The following AAK1 variants were observed in gnomAD, a reference collection of about 807,000 sequenced individuals.
AAK1 encodes AP2-associated protein kinase 1.
In AAK1, 37 loss-of-function variants were observed where a neutral mutation model predicts 116.0. That is an observed-to-expected ratio of 0.32 (90% CI 0.25 to 0.42). The LOEUF (loss-of-function observed/expected upper bound fraction) is 0.42. Ranked by LOEUF, AAK1 falls within the 10% of genes least tolerant of loss-of-function variation. The pLI is 1.00. For missense variants in AAK1, 919 were observed against 1,170.6 expected, an observed-to-expected ratio of 0.79 and a Z score of 3.14; for synonymous variants, 458 against 439.9, an observed-to-expected ratio of 1.04 and a Z score of -0.51.
At chr2:69,607,138 G>T (rs1276372282) in intron 2 of AAK1, among the ~76,000 whole-genome samples, 1 of 151,966 alleles carries the variant, frequency 6.6e-6, no homozygotes, top group Non-Finnish European at 1.5e-5. Flanking sequence ...AGTGTTATGT[G>T]GGGGAAGAGG....
chr2:69,530,592 A>G (rs763541488), intron 7 of AAK1, 33 bp downstream of exon 7: 8 of 1,554,646 alleles, frequency 5.1e-6, no homozygotes, highest in Non-Finnish European at 7.1e-6. Context: ...GACTGCTGCT[A>G]TCTGAGGTAT....
At chr2:69,565,692 A>G (rs1341514877) in intron 2 of AAK1, among the ~76,000 whole-genome samples, 1 of 152,222 alleles carries the variant, frequency 6.6e-6, no homozygotes, top group East Asian at 1.9e-4. Flanking sequence ...TGTCTAGCTG[A>G]TCAGGTGGGA....
At chr2:69,641,966 A>C (rs560149091) in intron 2 of AAK1, among the ~76,000 whole-genome samples, 67 of 152,172 alleles carry the variant, frequency 4.4e-4, no homozygotes, top group Non-Finnish European at 6.8e-4. Flanking sequence ...ATAAAAGCAC[A>C]CTAGGCAGGC....
intron 2 of AAK1, among the ~76,000 whole-genome samples, chr2:69,605,201 C>T (rs1354944953): frequency 6.6e-6 from 1 of 152,176 alleles, no homozygotes; most frequent in African/African-American, 2.4e-5. Flanking sequence ...TGTGTACCTA[C>T]CTTTACTACT....
rs1209073904 is a variant in AAK1 at position 69,462,387 on chromosome 2, AAAG to A, written c.*13479_*13481del. The A allele has an allele frequency of 6.6e-6, 1 of 152,054 alleles. No homozygotes were observed. Among genetic ancestry groups the A allele is most frequent in the Admixed American group, 6.6e-5 (1 of 15,260 alleles). The allele number at this position is 152,054 out of a possible 1,614,324, so 9.4% of individuals were successfully genotyped here. On this transcript the variant is annotated 3_prime_UTR_variant, in exon 22 of 22. Transcript: ENST00000409085. The stretch of plus-strand genomic sequence containing the variant: ...GTATAATAATAATTTAAAAAAAAAA[AAAG>A]AATTTCTGGGCCAGGTGCGGTGGCT...
At chr2:69,626,152 C>T (rs1207251576) in intron 2 of AAK1, among the ~76,000 whole-genome samples, 1 of 152,102 alleles carries the variant, frequency 6.6e-6, no homozygotes, top group African/African-American at 2.4e-5. Context: ...AATGATACCC[C>T]AGTACTGTAT....
At chr2:69,623,741 TG>T (rs1674771545) in intron 2 of AAK1, among the ~76,000 whole-genome samples, 1 of 152,188 alleles carries the variant, frequency 6.6e-6, no homozygotes, top group African/African-American at 2.4e-5. Context: ...ATCAAGGACC[TG>T]CCTTTCTTCT....
intron 2 of AAK1, among the ~76,000 whole-genome samples, chr2:69,631,277 G>T (rs1399482523): frequency 2.6e-5 from 4 of 152,226 alleles, no homozygotes; most frequent in Non-Finnish European, 5.9e-5. Flanking sequence ...TACAATAGCT[G>T]TAAGTGTCCT....
rs565263245 is a variant in AAK1, at chr2:69,466,093, T to C, written c.*9776A>G. ...ATGTCCATGTCATCATTTGGAACCC[T>C]TGAGCTCCTGAAGGGAGCTATGGCA... is the stretch of plus-strand genomic sequence containing the variant. On this transcript the variant is annotated 3_prime_UTR_variant, in exon 22 of 22. Coordinates refer to ENST00000409085, the MANE Select transcript of AAK1 (RefSeq NM_014911.5). The C allele has an allele frequency of 8.5e-5, 110 of 1,290,922 alleles. No individual in the cohort carries two copies. The African/African-American group carries it at 1.4e-3, about 17-fold the overall frequency. The allele number at this position is 1,290,922 out of a possible 1,614,324, so 80.0% of individuals were successfully genotyped here.
chr2:69,476,998 C>T lies in AAK1; in HGVS notation c.2681-8G>A, dbSNP rs776287246. On this transcript the variant is annotated splice_polypyrimidine_tract_variant and splice_region_variant and intron_variant, in intron 20 of 21. Transcript: ENST00000409085. ...GATTACTATCTTCTGCAGCTTAATA[C>T]AGAATGCAAGTACACAAGCAGAAAC... The T allele has an allele frequency of 1.3e-6, 2 of 1,593,334 alleles. No individual in the cohort carries two copies. The highest frequency in any genetic ancestry group is 1.7e-6 in the Non-Finnish European group (2 of 1,164,836).
chr2:69,526,931 A>G (rs900627425), intron 9 of AAK1, among the ~76,000 whole-genome samples: 1 of 152,218 alleles, frequency 6.6e-6, no homozygotes, highest in African/African-American at 2.4e-5. Flanking sequence ...TCAGAGAACT[A>G]GAAGAGTTGA....
At chr2:69,513,725 C>A (rs571195696) in intron 13 of AAK1, among the ~76,000 whole-genome samples, 11 of 152,310 alleles carry the variant, frequency 7.2e-5, no homozygotes, top group African/African-American at 2.6e-4. Flanking sequence ...TGCAAAATGT[C>A]TTTTTCTAAC....
chr2:69,643,085 A>ATTTTTTTTTT lies in AAK1; in HGVS notation c.-55_-46dup. 1 of 1,264,788 alleles carries ATTTTTTTTTT rather than the reference A, an allele frequency of 7.9e-7. No individual in the cohort carries two copies. The highest frequency in any genetic ancestry group is 1.8e-5 in the South Asian group (1 of 55,644). 78.3% of individuals were successfully genotyped at this position (1,264,788 alleles called of 1,614,324 possible). A position where few individuals can be genotyped will look rare whatever the true frequency, so the allele number is the denominator to read the frequency against. On this transcript the variant is annotated 5_prime_UTR_variant, in exon 2 of 22. Transcript: ENST00000409085. ...AAAGCAAAATACCGATGGTTTCTAG[A>ATTTTTTTTTT]TTTTTTTTTTTTTTTTTTTTTTTTA...
Position 69,460,528 on chromosome 2 carries a change from A to G in AAK1, c.*15341T>C, listed in dbSNP as rs1021815254. 6.6e-6 allele frequency: 1 copy of G among 152,284 alleles called. No individual in the cohort carries two copies. The highest frequency in any genetic ancestry group is 2.4e-5 in the African/African-American group (1 of 41,456). The allele number at this position is 152,284 out of a possible 1,614,324, so 9.4% of individuals were successfully genotyped here. A position where few individuals can be genotyped will look rare whatever the true frequency, so the allele number is the denominator to read the frequency against. On this transcript the variant is annotated 3_prime_UTR_variant, in exon 22 of 22. Transcript: ENST00000409085. ...TTACTAAATAATGGGCCAGTAAGAT[A>G]CCAGTATCTTTCTAGAACGTTTAGA...
At chr2:69,541,418 G>C (rs867024858) in intron 5 of AAK1, among the ~76,000 whole-genome samples, 1 of 151,926 alleles carries the variant, frequency 6.6e-6, no homozygotes. Context: ...TTTTAGTAGA[G>C]ACGTGGTTTC....
At chr2:69,548,448 CTA>C (rs779656951) in intron 3 of AAK1, among the ~76,000 whole-genome samples, 1 of 151,900 alleles carries the variant, frequency 6.6e-6, no homozygotes, top group African/African-American at 2.4e-5. Flanking sequence ...TTTGTTTTTT[CTA>C]TCTTTCCTTC....
intron 16 of AAK1, 39 bp downstream of exon 16, chr2:69,505,530 A>T (rs1676151244): frequency 6.4e-7 from 1 of 1,561,164 alleles, no homozygotes; most frequent in Admixed American, 1.7e-5. Context: ...TGAAGGTAAC[A>T]ACAGTGAACC....
At position 69,614,313 on chromosome 2, in the gene AAK1, T is replaced by C. The variant is rs559472471; in HGVS notation, c.163+28565A>G. Among the ~76,000 whole-genome samples, 8 of 152,276 alleles carry C rather than the reference T, an allele frequency of 5.3e-5. No individual in the cohort carries two copies. The East Asian group carries it at 1.4e-3, about 26-fold the overall frequency. On this transcript the variant is annotated intron_variant, in intron 2 of 21. Coordinates refer to ENST00000409085, the MANE Select transcript of AAK1 (RefSeq NM_014911.5). ...GGAGAAAGGGAAGAGGAAAGGCTCATTGAAGGAAGGCAGACATGGAGTCAC... is the reference window on the plus strand; with the variant it reads ...GGAGAAAGGGAAGAGGAAAGGCTCACTGAAGGAAGGCAGACATGGAGTCAC...
In AAK1 at chr2:69,467,718, A is replaced by T; in HGVS notation, c.*8151T>A. ...TCCTATGCAAACCATTAGCTAGCAG[A>T]AATTTCTGCCAAAAATTATCCCCTG... On this transcript the variant is annotated 3_prime_UTR_variant, in exon 22 of 22. Coordinates refer to ENST00000409085, the MANE Select transcript of AAK1 (RefSeq NM_014911.5). 1 of 985,462 alleles carries T rather than the reference A, an allele frequency of 1.0e-6. No homozygotes were observed. Among genetic ancestry groups the T allele is most frequent in the Non-Finnish European group, 1.2e-6 (1 of 829,942 alleles). 61.0% of individuals were successfully genotyped at this position (985,462 alleles called of 1,614,324 possible).
Sources: allele counts gnomAD v4.1 joint callset (sites outside exome capture counted in the v4.1 genomes callset), GRCh38; gene constraint gnomAD v4.1.1; transcripts MANE v1.5; gene names NCBI Gene and HGNC (gene_info 2026-07-23, HGNC 2026-07-21).